Variants in CYFIP2 observed in about 807,000 individuals in gnomAD.
CYFIP2 encodes cytoplasmic FMR1-interacting protein 2.
A neutral mutation model predicts 158.7 loss-of-function variants in CYFIP2; 29 were observed. The observed-to-expected ratio is 0.18, with a 90% CI of 0.14 to 0.25. The LOEUF (loss-of-function observed/expected upper bound fraction) is 0.25, where lower values mean the gene tolerates loss of function less well. CYFIP2 is among the 10% of genes least tolerant of loss of function. The pLI is 1.00. For synonymous variants in CYFIP2, 585 were observed against 617.6 expected, an observed-to-expected ratio of 0.95 and a Z score of 0.78; for missense variants, 852 against 1,639.5, an observed-to-expected ratio of 0.52 and a Z score of 8.29.
intron 3 of CYFIP2, among the ~76,000 whole-genome samples, chr5:157,290,913 G>C (rs1205375432): frequency 2.0e-5 from 3 of 152,212 alleles, no homozygotes; most frequent in African/African-American, 7.2e-5. Flanking sequence ...CCACATAACT[G>C]ACCAACTATA....
chr5:157,385,815 G>A (rs1272008488), intron 28 of CYFIP2, among the ~76,000 whole-genome samples: 2 of 152,042 alleles, frequency 1.3e-5, no homozygotes, highest in African/African-American at 2.4e-5. Flanking sequence ...TATAGAGAAG[G>A]AATATTGATG....
At chr5:157,273,736 T>A (rs1345335819) in intron 1 of CYFIP2, among the ~76,000 whole-genome samples, 2 of 152,218 alleles carry the variant, frequency 1.3e-5, no homozygotes, top group Non-Finnish European at 2.9e-5. Flanking sequence ...CCCTTCTGCT[T>A]ATGTTACACT....
intron 26 of CYFIP2, chr5:157,376,949 C>CA: frequency 2.2e-6 from 1 of 454,360 alleles, no homozygotes; most frequent in South Asian, 1.6e-5. Flanking sequence ...CTCCTGCCTG[C>CA]AGCCTTGCTG....
intron 20 of CYFIP2, among the ~76,000 whole-genome samples, chr5:157,331,688 C>T (rs10085141): frequency 1.3e-5 from 2 of 151,880 alleles, no homozygotes; most frequent in African/African-American, 4.8e-5. Flanking sequence ...TTTTCTTTCA[C>T]CCTTTCAGAA....
intron 3 of CYFIP2, among the ~76,000 whole-genome samples, chr5:157,291,573 A>G (rs1172346718): frequency 2.0e-5 from 3 of 152,250 alleles, no homozygotes; most frequent in Non-Finnish European, 2.9e-5. Context: ...GGTTGGTGCT[A>G]CAAGTAGACA....
intron 28 of CYFIP2, among the ~76,000 whole-genome samples, chr5:157,386,094 A>G (rs1429997707): frequency 6.6e-6 from 1 of 152,232 alleles, no homozygotes; most frequent in Non-Finnish European, 1.5e-5. Flanking sequence ...AAAAAATACA[A>G]TGTTAACACA....
intron 2 of CYFIP2, 28 bp from the exon 3 acceptor site, chr5:157,286,990 CA>C: frequency 6.3e-7 from 1 of 1,597,308 alleles, no homozygotes. Flanking sequence ...TTCTAACAAC[CA>C]AAATGTTCCT....
At position 157,309,847 on chromosome 5, in the gene CYFIP2, C is replaced by G; in HGVS notation, c.992+13C>G. The G allele has an allele frequency of 6.3e-7, 1 of 1,577,894 alleles. No individual in the cohort carries two copies. The highest frequency in any genetic ancestry group is 8.6e-7 in the Non-Finnish European group (1 of 1,161,784). Reference sequence around the variant, plus strand: ...AGAACAAGTCCAAGTGAGTGCCTGCCGTAATGTCTCTCGGCTCCCGCAAGG... The same window carrying G: ...AGAACAAGTCCAAGTGAGTGCCTGCGGTAATGTCTCTCGGCTCCCGCAAGG... On this transcript the variant is annotated intron_variant, in intron 10 of 30. Coordinates refer to ENST00000620254, the MANE Select transcript of CYFIP2 (RefSeq NM_001037333.3).
intron 26 of CYFIP2, chr5:157,375,940 C>T (rs559941528): frequency 6.6e-6 from 1 of 152,214 alleles, no homozygotes; most frequent in East Asian, 1.9e-4. Context: ...TTCTCTAAGC[C>T]CCGTTAGAAC....
intron 26 of CYFIP2, among the ~76,000 whole-genome samples, chr5:157,362,177 T>A (rs558336511): frequency 6.6e-6 from 1 of 152,306 alleles, no homozygotes; most frequent in East Asian, 1.9e-4. Flanking sequence ...TGTTTTAAAA[T>A]TTAGGGTCAG....
At chr5:157,307,612 A>G in intron 8 of CYFIP2, 149 bp from the exon 9 acceptor site, 1 of 416,790 alleles carries the variant, frequency 2.4e-6, no homozygotes, top group South Asian at 6.0e-5. Context: ...ATAGATTTTC[A>G]TAATATAATG....
At chr5:157,329,369 G>A (rs777326774) in intron 19 of CYFIP2, among the ~76,000 whole-genome samples, 3 of 152,126 alleles carry the variant, frequency 2.0e-5, no homozygotes, top group South Asian at 2.1e-4. Context: ...CAGGCGTGTC[G>A]AACCCTGGGT....
intron 26 of CYFIP2, among the ~76,000 whole-genome samples, chr5:157,365,835 C>CA (rs1032022256): frequency 1.9e-5 from 2 of 103,372 alleles, no homozygotes; most frequent in African/African-American, 7.9e-5. Context: ...GTAGATGATC[C>CA]ATTTTTTATT....
At chr5:157,347,550 G>T (rs1489024602) in intron 23 of CYFIP2, among the ~76,000 whole-genome samples, 1 of 152,234 alleles carries the variant, frequency 6.6e-6, no homozygotes, top group East Asian at 1.9e-4. Context: ...GAGTCCCCAC[G>T]GAGCATAAAA....
chr5:157,362,555 T>C (rs1763931891), intron 26 of CYFIP2: 1 of 152,276 alleles, frequency 6.6e-6, no homozygotes, highest in South Asian at 2.1e-4. Flanking sequence ...TTTATTTCCA[T>C]GCTTGGCGGG....
At chr5:157,285,227 C>A (rs1413752413) in intron 1 of CYFIP2, 112 bp from the exon 2 acceptor site, 10 of 686,084 alleles carry the variant, frequency 1.5e-5, no homozygotes, top group Non-Finnish European at 2.5e-5. Flanking sequence ...GAAGTGGCCT[C>A]AATGCATTTT....
chr5:157,277,639 G>T (rs761639087), intron 1 of CYFIP2, among the ~76,000 whole-genome samples: 1 of 152,182 alleles, frequency 6.6e-6, no homozygotes, highest in African/African-American at 2.4e-5. Flanking sequence ...TCCAGAGAGG[G>T]CATGTTATGT....
intron 30 of CYFIP2, among the ~76,000 whole-genome samples, chr5:157,391,736 T>G (rs2113564455): frequency 6.6e-6 from 1 of 152,354 alleles, no homozygotes; most frequent in Non-Finnish European, 1.5e-5. Flanking sequence ...CCATGAAACA[T>G]GGGTGTACAA....
intron 29 of CYFIP2, 44 bp downstream of exon 29, chr5:157,389,471 G>A (rs377751069): frequency 2.0e-6 from 3 of 1,482,422 alleles, no homozygotes; most frequent in African/African-American, 1.4e-5. Flanking sequence ...CAACCTGCCT[G>A]TGCTCCTGCA....
Sources: gnomAD v4.1 joint callset for allele counts (sites outside exome capture counted in the v4.1 genomes callset) on GRCh38, gnomAD v4.1.1 for gene constraint, MANE v1.5 for transcripts, NCBI Gene and HGNC (gene_info 2026-07-23, HGNC 2026-07-21) for gene names.